LIMCH1: variants seen among roughly 807,000 people sequenced by gnomAD.
LIMCH1 encodes the protein LIM and calponin homology domains 1.
Under a neutral mutation model 176.5 loss-of-function variants are expected in LIMCH1, and 113 were observed. The observed-to-expected ratio is 0.64, with a 90% CI of 0.55 to 0.75. LIMCH1 has a LOEUF of 0.75. Among genes scored for constraint, LIMCH1 ranks in the 30% least tolerant of loss-of-function variants. The pLI is 0.00. For synonymous variants in LIMCH1, 619 were observed against 645.9 expected (o/e 0.96, Z 0.63); for missense variants, 1,674 against 1,814.9 (o/e 0.92, Z 1.41).
chr4:41,539,000 T>G (rs2078283687), intron 1 of LIMCH1, among the ~76,000 whole-genome samples: 1 of 152,122 alleles, frequency 6.6e-6, no homozygotes, highest in Non-Finnish European at 1.5e-5. Context: ...AATTGTCTCA[T>G]AAAATCCCGT....
intron 1 of LIMCH1, among the ~76,000 whole-genome samples, chr4:41,414,344 A>G (rs1477235852): frequency 6.6e-6 from 1 of 152,108 alleles, no homozygotes; most frequent in East Asian, 1.9e-4. Flanking sequence ...GAAGTTGATT[A>G]TCTTAAATTA....
At chr4:41,579,495 G>A (rs989000727) in intron 1 of LIMCH1, among the ~76,000 whole-genome samples, 3 of 152,220 alleles carry the variant, frequency 2.0e-5, no homozygotes, top group Non-Finnish European at 2.9e-5. Flanking sequence ...GGCACACTGT[G>A]TCAGATGTCT....
At chr4:41,520,804 G>A (rs75629395) in intron 2 of LIMCH1, among the ~76,000 whole-genome samples, 288 of 152,278 alleles carry the variant, frequency 1.9e-3, no homozygotes, top group Middle Eastern at 6.8e-3. Context: ...TAGTAGTTTT[G>A]TTGTGTAGGA....
chr4:41,417,031 G>C (rs1045016062), intron 1 of LIMCH1, among the ~76,000 whole-genome samples: 1 of 152,144 alleles, frequency 6.6e-6, no homozygotes, highest in East Asian at 1.9e-4. Flanking sequence ...TGTGAAATTT[G>C]TGACTTTTGG....
Position 41,360,963 on chromosome 4 carries a change from C to G in LIMCH1, c.96+27C>G, listed in dbSNP as rs2051899972. 2 of 1,524,044 alleles carry G rather than the reference C, an allele frequency of 1.3e-6. No homozygotes were observed. Among genetic ancestry groups the G allele is most frequent in the South Asian group, 2.4e-5 (2 of 82,630 alleles). 94.4% of individuals were successfully genotyped at this position (1,524,044 alleles called of 1,614,324 possible). On this transcript the variant is annotated intron_variant, in intron 1 of 26. Coordinates refer to the LIMCH1 transcript ENST00000313860. This position sits in a 1 kb window ranked among gnomAD's most constrained non-coding sequence, Gnocchi z 4.5. ...TAGGTGCGGGTGGCTGGCGGGCGGCCTTGCACTGGCGCCCTGAGCCACGGA... is the reference window on the plus strand; with the variant it reads ...TAGGTGCGGGTGGCTGGCGGGCGGCGTTGCACTGGCGCCCTGAGCCACGGA...
chr4:41,503,379 A>G (rs1386715152), intron 2 of LIMCH1, among the ~76,000 whole-genome samples: 1 of 152,090 alleles, frequency 6.6e-6, no homozygotes, highest in Non-Finnish European at 1.5e-5. Flanking sequence ...TGGGGAGGAA[A>G]GTTGCTCAAG....
At chr4:41,556,964 CTCTTTATA>C (rs554686979) in intron 1 of LIMCH1, among the ~76,000 whole-genome samples, 2 of 152,174 alleles carry the variant, frequency 1.3e-5, no homozygotes, top group Non-Finnish European at 2.9e-5. Context: ...GTTAATAGAG[CTCTTTATA>C]TAGCCTATCT....
intron 18 of LIMCH1, among the ~76,000 whole-genome samples, chr4:41,651,008 T>TTTTA (rs567289919): frequency 1.7e-4 from 25 of 151,286 alleles, no homozygotes; most frequent in Non-Finnish European, 3.2e-4. Context: ...TTTTATTTTA[T>TTTTA]TTTATTTTAT....
At chr4:41,434,062 A>G (rs972618317) in intron 1 of LIMCH1, among the ~76,000 whole-genome samples, 1 of 149,194 alleles carries the variant, frequency 6.7e-6, no homozygotes, top group South Asian at 2.2e-4. Flanking sequence ...ACATAAGAGG[A>G]CAAAATGGTG....
At chr4:41,604,391 A>G (rs759006750) in intron 3 of LIMCH1, 39 of 184,704 alleles carry the variant, frequency 2.1e-4, no homozygotes, top group Non-Finnish European at 3.4e-4. Flanking sequence ...CTTTTTGTAG[A>G]TCTTATTTTC....
chr4:41,404,719 C>T (rs1474175213), intron 1 of LIMCH1, among the ~76,000 whole-genome samples: 4 of 152,080 alleles, frequency 2.6e-5, no homozygotes, highest in Non-Finnish European at 4.4e-5. Flanking sequence ...GCAAAGGTTG[C>T]GGTGAGCCAG....
intron 1 of LIMCH1, among the ~76,000 whole-genome samples, chr4:41,571,093 ACT>A (rs386673882): frequency 2.6e-4 from 39 of 152,254 alleles, no homozygotes; most frequent in African/African-American, 8.9e-4. Flanking sequence ...AGAAATAAAG[ACT>A]GTGATTATGA....
At chr4:41,434,146 A>T (rs916460580) in intron 1 of LIMCH1, among the ~76,000 whole-genome samples, 2 of 152,174 alleles carry the variant, frequency 1.3e-5, no homozygotes, top group Non-Finnish European at 2.9e-5. Context: ...AAGGAGCCAG[A>T]TGTTCTGGAA....
intron 1 of LIMCH1, among the ~76,000 whole-genome samples, chr4:41,364,559 C>T (rs2052677260): frequency 6.6e-6 from 1 of 152,128 alleles, no homozygotes. Flanking sequence ...CTAATTTGCA[C>T]TAAAAGTGAC....
intron 1 of LIMCH1, among the ~76,000 whole-genome samples, chr4:41,547,857 G>GTATATATATATA (rs1451943342): frequency 4.3e-5 from 3 of 70,002 alleles, no homozygotes; most frequent in African/African-American, 2.4e-4. Flanking sequence ...TATAATTTGT[G>GTATATATATATA]TGTGTGTATA....
intron 2 of LIMCH1, among the ~76,000 whole-genome samples, chr4:41,509,029 A>G (rs1050344560): frequency 6.6e-6 from 1 of 152,236 alleles, no homozygotes; most frequent in Non-Finnish European, 1.5e-5. Context: ...TGAGATTAGT[A>G]TGACCCAATG....
intron 1 of LIMCH1, among the ~76,000 whole-genome samples, chr4:41,491,967 C>T (rs1387616701): frequency 7.2e-5 from 11 of 152,140 alleles, no homozygotes; most frequent in African/African-American, 2.4e-4. Context: ...GATGGGCGGC[C>T]AGGCAGAGAT....
intron 8 of LIMCH1, among the ~76,000 whole-genome samples, 197 bp downstream of exon 8, chr4:41,627,207 T>A (rs2093024662): frequency 2.0e-5 from 3 of 152,152 alleles, no homozygotes; most frequent in African/African-American, 7.2e-5. Context: ...CTCCCTTAAA[T>A]GCAGATGGCA....
In LIMCH1 at chr4:41,646,566, C is replaced by T. The variant is rs765707535; in HGVS notation, c.2493C>T (p.Tyr831=). 7 of 1,614,134 alleles carry T rather than the reference C, an allele frequency of 4.3e-6. No homozygotes were observed. Among genetic ancestry groups the T allele is most frequent in the Non-Finnish European group, 3.4e-6 (4 of 1,180,014 alleles). Reference sequence around the variant, plus strand: ...AGGCAGAGGGGATCCTTCAACAGTACATTGAGAGGTTCACCATCAGTGAGG... The same window carrying T: ...AGGCAGAGGGGATCCTTCAACAGTATATTGAGAGGTTCACCATCAGTGAGG... ...QEEAEGILQQ[Y]IERFTISEAV... is the part of the protein sequence containing the mutation. Residue 831 remains tyrosine (Y), a synonymous_variant, in exon 17 of 32, where the codon TAC becomes TAT. Coordinates refer to ENST00000503057, the MANE Select transcript of LIMCH1 (RefSeq NM_001330672.2).
Sources: gnomAD v4.1 joint callset for allele counts (sites outside exome capture counted in the v4.1 genomes callset) on GRCh38, gnomAD v4.1.1 for gene constraint, Gnocchi (gnomAD v3.1) non-coding constraint, MANE v1.5 for transcripts, NCBI Gene and HGNC (gene_info 2026-07-23, HGNC 2026-07-21) for gene names.